Variants in KNDC1 observed in about 807,000 individuals in gnomAD.
KNDC1 encodes kinase non-catalytic C-lobe domain-containing protein 1.
KNDC1 carries 106 observed loss-of-function variants against 172.8 expected under a neutral mutation model. The observed-to-expected ratio is 0.61, with a 90% CI of 0.52 to 0.72. The LOEUF is 0.72. Ranked by LOEUF, KNDC1 falls within the 30% of genes least tolerant of loss-of-function variation. The probability of loss-of-function intolerance (pLI) is 0.00; values close to 1 mark genes in which losing one functional copy is unlikely to be tolerated. For missense variants in KNDC1, 2,325 were observed against 2,394.5 expected (o/e 0.97, Z 0.61); for synonymous variants, 1,083 against 1,062.2 (o/e 1.02, Z -0.38).
chr10:133,172,030 C>T lies in KNDC1; in HGVS notation c.360+3718C>T, dbSNP rs1853391710. ...TCCTATTTAACTGATCAATCACTGACAAAGAAACAAGTGTTGGTTCCTCCC... is the reference window on the plus strand; with the variant it reads ...TCCTATTTAACTGATCAATCACTGATAAAGAAACAAGTGTTGGTTCCTCCC... On this transcript the variant is annotated intron_variant, in intron 3 of 29. Coordinates refer to ENST00000304613, the MANE Select transcript of KNDC1 (RefSeq NM_152643.8). Among the ~76,000 whole-genome samples, 7 of 152,310 alleles carry T rather than the reference C, an allele frequency of 4.6e-5. 1 individual carries two copies. The South Asian group carries it at 1.5e-3, about 32-fold the overall frequency.
chr10:133,162,201 G>T (rs1286718894), intron 1 of KNDC1, among the ~76,000 whole-genome samples: 1 of 152,216 alleles, frequency 6.6e-6, no homozygotes, highest in African/African-American at 2.4e-5. Context: ...CCTGTGCCCA[G>T]TACTGAGCCC....
chr10:133,174,386 C>G (rs111591659), intron 3 of KNDC1: 5 of 149,004 alleles, frequency 3.4e-5, no homozygotes, highest in Admixed American at 6.7e-5. Context: ...TGGGGAACTT[C>G]CAACACGGAA....
At chr10:133,170,160 G>A (rs538938026) in intron 3 of KNDC1, among the ~76,000 whole-genome samples, 100 of 152,362 alleles carry the variant, frequency 6.6e-4, no homozygotes, top group Non-Finnish European at 1.6e-4. Flanking sequence ...GGACTGAGGG[G>A]TGCGCAGGTG....
chr10:133,202,120 T>C (rs775016631), intron 17 of KNDC1: 1 of 707,028 alleles, frequency 1.4e-6, no homozygotes, highest in South Asian at 1.5e-5. Flanking sequence ...GTGCTCCTGG[T>C]GGCTCCACGT....
intron 6 of KNDC1, among the ~76,000 whole-genome samples, chr10:133,187,170 G>A (rs528884989): frequency 3.5e-4 from 53 of 152,308 alleles, no homozygotes; most frequent in African/African-American, 1.1e-3. Context: ...GGCCACCTCC[G>A]CTGCCTCCGC....
Position 133,201,484 on chromosome 10 carries a change from C to A in KNDC1, c.2990-17C>A, listed in dbSNP as rs763460009. Reference sequence around the variant, plus strand: ...CAGGAGCCACTGTCCACGTAACCTGCGTCTCTTTCTTTCAAGGAAAAGAGA... The same window carrying A: ...CAGGAGCCACTGTCCACGTAACCTGAGTCTCTTTCTTTCAAGGAAAAGAGA... On this transcript the variant is annotated splice_polypyrimidine_tract_variant and intron_variant, in intron 16 of 29. Coordinates refer to ENST00000304613, the MANE Select transcript of KNDC1 (RefSeq NM_152643.8). 1 of 1,576,116 alleles carries A rather than the reference C, an allele frequency of 6.3e-7. No individual in the cohort carries two copies. The highest frequency in any genetic ancestry group is 8.6e-7 in the Non-Finnish European group (1 of 1,164,356).
At chr10:133,203,345 G>T (rs1854434015) in intron 17 of KNDC1, among the ~76,000 whole-genome samples, 3 of 152,188 alleles carry the variant, frequency 2.0e-5, no homozygotes, top group Admixed American at 1.3e-4. Context: ...GGAGCACTCG[G>T]CCCCCAAACA....
At position 133,209,180 on chromosome 10, in the gene KNDC1, G is replaced by A. The variant is rs1184491952; in HGVS notation, c.3795-1431G>A. Reference sequence around the variant, plus strand: ...GCGTGGCAGGTGTGCATGTGTGTATGGCATGGGGTGTAGTGTGGCGTGTAC... The same window carrying A: ...GCGTGGCAGGTGTGCATGTGTGTATAGCATGGGGTGTAGTGTGGCGTGTAC... On this transcript the variant is annotated intron_variant, in intron 20 of 29. Coordinates refer to ENST00000304613, the MANE Select transcript of KNDC1 (RefSeq NM_152643.8). This position sits in a 1 kb window ranked among gnomAD's most constrained non-coding sequence, Gnocchi z 4.9. 6.6e-6 allele frequency among the ~76,000 whole-genome samples: 1 copy of A among 151,482 alleles called. No homozygotes were observed. The highest frequency in any genetic ancestry group is 2.4e-5 in the African/African-American group (1 of 41,204).
intron 18 of KNDC1, 32 bp from the exon 19 acceptor site, chr10:133,206,824 C>T (rs1241449868): frequency 6.2e-7 from 1 of 1,612,532 alleles, no homozygotes; most frequent in East Asian, 2.2e-5. Flanking sequence ...CTGCAGGCAG[C>T]CCGGCCCCCA....
At chr10:133,167,651 C>G in intron 2 of KNDC1, 72 bp downstream of exon 2, 1 of 1,454,338 alleles carries the variant, frequency 6.9e-7, no homozygotes, top group Non-Finnish European at 9.3e-7. Context: ...GGGATGTGAG[C>G]ACTGGCTCTG....
chr10:133,198,225 G>C, intron 12 of KNDC1, 112 bp from the exon 13 acceptor site: 1 of 1,265,668 alleles, frequency 7.9e-7, no homozygotes, highest in South Asian at 1.5e-5. Context: ...ATGCGGGAGG[G>C]GACGCGGCAC....
intron 3 of KNDC1, among the ~76,000 whole-genome samples, chr10:133,175,042 G>A (rs1853488104): frequency 6.7e-6 from 1 of 148,962 alleles, no homozygotes. Flanking sequence ...TGGAAAGGTA[G>A]ATATGTGGAT....
chr10:133,198,622 G>A lies in KNDC1; in HGVS notation c.2114G>A (p.Gly705Asp), dbSNP rs754069632. 6.2e-7 allele frequency: 1 copy of A among 1,603,266 alleles called. No homozygotes were observed. Among genetic ancestry groups the A allele is most frequent in the Non-Finnish European group, 8.5e-7 (1 of 1,175,090 alleles). Reference sequence around the variant, plus strand: ...CAGGAGGAGTCCGAGGAGAGGGGCGGCCAGAGGGAGGGAGAAGGTGAGGAG... The same window carrying A: ...CAGGAGGAGTCCGAGGAGAGGGGCGACCAGAGGGAGGGAGAAGGTGAGGAG... ...LAQEESEERG[G>D]QREGEGEEKL... Residue 705 changes from glycine (G) to aspartate (D), a missense_variant, in exon 14 of 30, where the codon GGC (glycine) becomes GAC (aspartate). Gly to Asp is a moderately conservative substitution (Grantham distance 94). Transcript: ENST00000304613.
At chr10:133,162,384 C>T (rs1853006546) in intron 1 of KNDC1, among the ~76,000 whole-genome samples, 1 of 152,134 alleles carries the variant, frequency 6.6e-6, no homozygotes, top group Non-Finnish European at 1.5e-5. Flanking sequence ...GCCGGAAGGC[C>T]AAGGGTGCAG....
Position 133,197,684 on chromosome 10 carries a change from G to A in KNDC1, c.1822G>A (p.Glu608Lys). Reference sequence around the variant, plus strand: ...GTCACCTCCTCCCCAGGTGTACCAGGAGGAAGAGACCATCAGCCTCCAAAA... The same window carrying A: ...GTCACCTCCTCCCCAGGTGTACCAGAAGGAAGAGACCATCAGCCTCCAAAA... ...LRASICQVYQ[E>K]EETISLQNAF... Residue 608 changes from glutamate (E) to lysine (K), a missense_variant, in exon 12 of 30, where the codon GAG (glutamate) becomes AAG (lysine). By Grantham distance (56) the Glu-to-Lys change is moderately conservative. Transcript: ENST00000304613. 6.2e-7 allele frequency: 1 copy of A among 1,612,906 alleles called. No individual in the cohort carries two copies. Among genetic ancestry groups the A allele is most frequent in the Admixed American group, 1.7e-5 (1 of 60,000 alleles).
intron 3 of KNDC1, among the ~76,000 whole-genome samples, chr10:133,168,733 C>T (rs541467066): frequency 2.6e-5 from 4 of 152,364 alleles, no homozygotes; most frequent in East Asian, 1.9e-4. Flanking sequence ...AGTTAGCAGC[C>T]GGGCCACTCA....
rs1475411829 is a variant in KNDC1, at chr10:133,160,348, C to CGGCG, written c.-109_-106dup. The stretch of plus-strand genomic sequence containing the variant: ...GCGTCCCCTGGAGACACTGCGGCAG[C>CGGCG]GGCGGGCGGGCGGGGGCGGGCGAGG... On this transcript the variant is annotated 5_prime_UTR_variant, in exon 1 of 30. Coordinates refer to ENST00000304613, the MANE Select transcript of KNDC1 (RefSeq NM_152643.8). 2.0e-4 allele frequency: 66 copies of CGGCG among 336,384 alleles called. No homozygotes were observed. The South Asian group carries it at 3.5e-3, about 18-fold the overall frequency. The allele number at this position is 336,384 out of a possible 1,614,324, so 20.8% of individuals were successfully genotyped here.
intron 9 of KNDC1, among the ~76,000 whole-genome samples, chr10:133,191,076 C>T (rs1285173980): frequency 6.6e-6 from 1 of 152,202 alleles, no homozygotes; most frequent in African/African-American, 2.4e-5. Context: ...TGGTGACTCA[C>T]GCCTGTAATT....
intron 3 of KNDC1, among the ~76,000 whole-genome samples, chr10:133,180,441 G>A (rs538452163): frequency 5.1e-4 from 77 of 152,380 alleles, no homozygotes; most frequent in African/African-American, 1.8e-3. Context: ...GGGGCAGGAG[G>A]AGCCCTTCCT....
Sources: allele counts gnomAD v4.1 joint callset (sites outside exome capture counted in the v4.1 genomes callset), GRCh38; gene constraint gnomAD v4.1.1; non-coding constraint Gnocchi (gnomAD v3.1); transcripts MANE v1.5; gene names NCBI Gene and HGNC (gene_info 2026-07-23, HGNC 2026-07-21).